PRKG1: variants seen among roughly 807,000 people sequenced by gnomAD.
The protein encoded by PRKG1 is cGMP-dependent protein kinase 1.
Under a neutral mutation model 88.1 loss-of-function variants are expected in PRKG1, and 35 were observed. That is an observed-to-expected ratio of 0.40 (90% CI 0.30 to 0.53). The LOEUF is 0.53. Ranked by LOEUF, PRKG1 falls within the 20% of genes least tolerant of loss-of-function variation. The probability of loss-of-function intolerance (pLI) is 0.59; values close to 1 mark genes in which losing one functional copy is unlikely to be tolerated. For synonymous variants in PRKG1, 303 were observed against 292.5 expected, an observed-to-expected ratio of 1.04 and a Z score of -0.37; for missense variants, 540 against 839.8, an observed-to-expected ratio of 0.64 and a Z score of 4.41.
intron 3 of PRKG1, among the ~76,000 whole-genome samples, chr10:51,619,829 T>C (rs1839161087): frequency 6.6e-6 from 1 of 152,182 alleles, no homozygotes; most frequent in South Asian, 2.1e-4. Context: ...TTATTTTTGA[T>C]GTTTCCAAGG....
At chr10:51,361,975 A>T (rs1214605165) in intron 2 of PRKG1, among the ~76,000 whole-genome samples, 5 of 151,928 alleles carry the variant, frequency 3.3e-5, no homozygotes, top group Non-Finnish European at 7.4e-5. Flanking sequence ...CAAGTTCATA[A>T]GTTTACATGG....
chr10:52,053,187 A>G lies in PRKG1; in HGVS notation c.763-1297A>G, dbSNP rs966260449. Reference sequence around the variant, plus strand: ...TTGAAGTGTACATATCAGACTGTATATATCATCTGGTGGTTGAAACTGAGG... The same window carrying G: ...TTGAAGTGTACATATCAGACTGTATGTATCATCTGGTGGTTGAAACTGAGG... On this transcript the variant is annotated intron_variant, in intron 5 of 17. Coordinates refer to ENST00000373980, the MANE Select transcript of PRKG1 (RefSeq NM_006258.4). 3.3e-5 allele frequency among the ~76,000 whole-genome samples: 5 copies of G among 152,014 alleles called. No homozygotes were observed. In the South Asian group the frequency reaches 6.2e-4, roughly 19 times the overall value.
intron 3 of PRKG1, among the ~76,000 whole-genome samples, chr10:51,473,005 G>T (rs948981563): frequency 3.9e-5 from 6 of 151,942 alleles, no homozygotes; most frequent in Non-Finnish European, 8.8e-5. Flanking sequence ...GGATAGTTAA[G>T]TGACTTCCCA....
intron 3 of PRKG1, among the ~76,000 whole-genome samples, chr10:51,516,446 A>G (rs1346220097): frequency 6.6e-6 from 1 of 152,134 alleles, no homozygotes; most frequent in Non-Finnish European, 1.5e-5. Context: ...AAAAATTCAA[A>G]AAGAACAATC....
At chr10:51,234,515 G>A (rs1327761105) in intron 2 of PRKG1, among the ~76,000 whole-genome samples, 1 of 152,106 alleles carries the variant, frequency 6.6e-6, no homozygotes, top group African/African-American at 2.4e-5. Flanking sequence ...AGCTGGGTTG[G>A]AATTGAACCT....
At chr10:51,933,912 A>G (rs1292701272) in intron 5 of PRKG1, among the ~76,000 whole-genome samples, 3 of 152,154 alleles carry the variant, frequency 2.0e-5, no homozygotes, top group African/African-American at 4.8e-5. Flanking sequence ...AACATGAATA[A>G]CACTTAGTTG....
chr10:51,398,673 A>C (rs1015599540), intron 2 of PRKG1, among the ~76,000 whole-genome samples: 4 of 152,214 alleles, frequency 2.6e-5, no homozygotes, highest in African/African-American at 9.6e-5. Flanking sequence ...TTGACTATAC[A>C]TTATTCTGGG....
chr10:51,043,568 C>T (rs950395809), intron 1 of PRKG1, among the ~76,000 whole-genome samples: 7 of 152,172 alleles, frequency 4.6e-5, no homozygotes, highest in African/African-American at 7.2e-5. Flanking sequence ...TCTGTCTCCT[C>T]ATCAGACTGT....
intron 3 of PRKG1, among the ~76,000 whole-genome samples, chr10:51,746,770 G>GAAAAA: frequency 6.6e-6 from 1 of 151,368 alleles, no homozygotes; most frequent in Non-Finnish European, 1.5e-5. Flanking sequence ...GAAAAAAAAA[G>GAAAAA]AAAAGAAAAG....
chr10:52,079,550 G>T (rs1424862410), intron 7 of PRKG1, among the ~76,000 whole-genome samples: 3 of 152,094 alleles, frequency 2.0e-5, no homozygotes, highest in Non-Finnish European at 4.4e-5. Context: ...GTTCTTTCCT[G>T]TGTCCTTCCT....
rs1382386249 is a variant in PRKG1 at position 51,164,191 on chromosome 10, GA to G, written c.478+10862del. On this transcript the variant is annotated intron_variant, in intron 2 of 17. Transcript: ENST00000373980. Reference sequence around the variant, plus strand: ...ACCTCACATGGCTGGGTACTTCTCTGAGACAGAACTTCCAGAGGAACGATCA... The same window carrying G: ...ACCTCACATGGCTGGGTACTTCTCTGGACAGAACTTCCAGAGGAACGATCA... Among the ~76,000 whole-genome samples the G allele has an allele frequency of 2.0e-5, 3 of 152,276 alleles. No individual in the cohort carries two copies. The East Asian group carries it at 5.8e-4, about 29-fold the overall frequency.
intron 3 of PRKG1, among the ~76,000 whole-genome samples, chr10:51,726,999 T>C (rs1029625887): frequency 3.3e-5 from 5 of 152,056 alleles, no homozygotes; most frequent in Admixed American, 6.6e-5. Context: ...CAAGCTGGTC[T>C]CGATTTCCTG....
chr10:51,135,675 C>T (rs1269918756), intron 1 of PRKG1, among the ~76,000 whole-genome samples: 1 of 152,022 alleles, frequency 6.6e-6, no homozygotes, highest in African/African-American at 2.4e-5. Flanking sequence ...GTTGATTAAC[C>T]ATGGTTAATA....
At position 51,830,548 on chromosome 10, in the gene PRKG1, G is replaced by GT. The variant is rs1022530024; in HGVS notation, c.698+25869dup. Among the ~76,000 whole-genome samples the GT allele has an allele frequency of 7.0e-3, 813 of 116,016 alleles. 7 individuals carry two copies. The highest frequency in any genetic ancestry group is 8.8e-3 in the African/African-American group (307 of 34,720). 76.1% of individuals were successfully genotyped at this position (116,016 alleles called of 152,430 possible). On this transcript the variant is annotated intron_variant, in intron 4 of 17. Coordinates refer to ENST00000373980, the MANE Select transcript of PRKG1 (RefSeq NM_006258.4). Reference sequence around the variant, plus strand: ...TTACTTATTGAACTTCTCTTAAAGTGTTTTTTTTTTTGTTTTTTTTTTTTT... The same window carrying GT: ...TTACTTATTGAACTTCTCTTAAAGTGTTTTTTTTTTTTGTTTTTTTTTTTTT...
chr10:52,174,443 AT>A (rs1838799186), intron 9 of PRKG1, among the ~76,000 whole-genome samples: 1 of 152,020 alleles, frequency 6.6e-6, no homozygotes, highest in South Asian at 2.1e-4. Context: ...GACATGAGTG[AT>A]CAGAGCAATA....
In PRKG1 at chr10:52,192,517, T is replaced by C. The variant is rs139607135; in HGVS notation, c.1076+30554T>C. 9.9e-5 allele frequency among the ~76,000 whole-genome samples: 15 copies of C among 152,266 alleles called. 1 individual carries two copies. The highest frequency in any genetic ancestry group is 3.6e-4 in the African/African-American group (15 of 41,584). ...GTAGCATATTAAGTTACAAACTACATGTATGATTCTTCAAGAAAGAATTTT... is the reference window on the plus strand; with the variant it reads ...GTAGCATATTAAGTTACAAACTACACGTATGATTCTTCAAGAAAGAATTTT... On this transcript the variant is annotated intron_variant, in intron 9 of 17. Transcript: ENST00000373980.
At chr10:51,232,586 A>G (rs1838874103) in intron 2 of PRKG1, among the ~76,000 whole-genome samples, 1 of 152,214 alleles carries the variant, frequency 6.6e-6, no homozygotes. Context: ...AAAAAGACAC[A>G]GTGACAATGT....
At chr10:52,269,886 C>T (rs1841672119) in intron 10 of PRKG1, among the ~76,000 whole-genome samples, 1 of 151,744 alleles carries the variant, frequency 6.6e-6, no homozygotes, top group African/African-American at 2.4e-5. Flanking sequence ...AGATCCATGC[C>T]TCCTCTGGAG....
intron 8 of PRKG1, among the ~76,000 whole-genome samples, chr10:52,140,304 G>A (rs773591227): frequency 6.6e-6 from 1 of 152,136 alleles, no homozygotes; most frequent in Non-Finnish European, 1.5e-5. Flanking sequence ...CTGATTTGAA[G>A]CGTCTGATCA....
Sources: gnomAD v4.1 joint callset for allele counts (sites outside exome capture counted in the v4.1 genomes callset) on GRCh38, gnomAD v4.1.1 for gene constraint, MANE v1.5 for transcripts, NCBI Gene and HGNC (gene_info 2026-07-23, HGNC 2026-07-21) for gene names.